SGCZ: variants seen among roughly 807,000 people sequenced by gnomAD.
The protein encoded by SGCZ is sarcoglycan zeta.
SGCZ carries 40 observed loss-of-function variants against 41.3 expected under a neutral mutation model. The observed-to-expected ratio is 0.97, with a 90% CI of 0.75 to 1.26. The LOEUF (loss-of-function observed/expected upper bound fraction) is 1.26. Among genes scored for constraint, SGCZ ranks in the 50% most tolerant of loss-of-function variants. The pLI is 0.00. For synonymous variants in SGCZ, 206 were observed against 137.5 expected, an observed-to-expected ratio of 1.50 and a Z score of -3.49; for missense variants, 552 against 369.8, an observed-to-expected ratio of 1.49 and a Z score of -4.04.
chr8:14,859,794 A>G (rs1035005898), intron 1 of SGCZ, among the ~76,000 whole-genome samples: 12 of 152,176 alleles, frequency 7.9e-5, no homozygotes, highest in Admixed American at 7.9e-4. Context: ...AGGAAATGAT[A>G]TTGGAATCGA....
rs7014526 is a variant in SGCZ at position 14,763,474 on chromosome 8, T to C, written c.40-208548A>G. 7.1e-3 allele frequency among the ~76,000 whole-genome samples: 1,080 copies of C among 152,314 alleles called. 22 individuals are homozygous for C. The highest frequency in any genetic ancestry group is 0.025 in the African/African-American group (1,028 of 41,574). Reference sequence around the variant, plus strand: ...CTGTTGTTATCTTAGCATGTCTCTTTATCCAGGTAGCCAAGCACTGGATGT... The same window carrying C: ...CTGTTGTTATCTTAGCATGTCTCTTCATCCAGGTAGCCAAGCACTGGATGT... On this transcript the variant is annotated intron_variant, in intron 1 of 7. Coordinates refer to ENST00000382080, the MANE Select transcript of SGCZ (RefSeq NM_139167.4).
chr8:14,346,569 G>A (rs910070421), intron 2 of SGCZ, among the ~76,000 whole-genome samples: 2 of 151,830 alleles, frequency 1.3e-5, no homozygotes, highest in Admixed American at 6.6e-5. Context: ...TTAAAAGTAG[G>A]CATATGTCAA....
chr8:14,915,012 T>A (rs1799389948), intron 1 of SGCZ, among the ~76,000 whole-genome samples: 1 of 152,166 alleles, frequency 6.6e-6, no homozygotes, highest in Admixed American at 6.6e-5. Flanking sequence ...CTTTGCTACA[T>A]CTAATTTATG....
intron 1 of SGCZ, among the ~76,000 whole-genome samples, chr8:14,658,680 A>G (rs1167335787): frequency 6.6e-6 from 1 of 152,056 alleles, no homozygotes. Context: ...CTCCTTCTTT[A>G]CTTTTCTTCT....
intron 3 of SGCZ, among the ~76,000 whole-genome samples, chr8:14,240,836 T>C (rs933266647): frequency 5.9e-5 from 9 of 152,194 alleles, no homozygotes; most frequent in African/African-American, 1.9e-4. Flanking sequence ...GTTTAACACA[T>C]GACTTTTTAC....
At chr8:15,099,744 T>C (rs1281439127) in intron 1 of SGCZ, among the ~76,000 whole-genome samples, 4 of 152,180 alleles carry the variant, frequency 2.6e-5, no homozygotes, top group Non-Finnish European at 5.9e-5. Context: ...TATAAAAATG[T>C]TGTACACCAC....
At position 14,314,109 on chromosome 8, in the gene SGCZ, T is replaced by C. The variant is rs573208816; in HGVS notation, c.336+9994A>G. 1.3e-3 allele frequency among the ~76,000 whole-genome samples: 202 copies of C among 152,246 alleles called. 1 individual carries two copies. Among genetic ancestry groups the C allele is most frequent in the Non-Finnish European group, 2.4e-3 (166 of 68,006 alleles). On this transcript the variant is annotated intron_variant, in intron 3 of 7. Transcript: ENST00000382080. ...CAGTGACATACAATGGTGTAATCTGTAGAAAAAAATACGCAGTAAGAAGAA... is the reference window on the plus strand; with the variant it reads ...CAGTGACATACAATGGTGTAATCTGCAGAAAAAAATACGCAGTAAGAAGAA...
chr8:15,021,049 A>T (rs1487823996), intron 1 of SGCZ, among the ~76,000 whole-genome samples: 1 of 152,176 alleles, frequency 6.6e-6, no homozygotes. Context: ...ATCCCAGAAA[A>T]TTCATCTGGG....
At chr8:14,555,261 A>C (rs1164990590) in intron 1 of SGCZ, among the ~76,000 whole-genome samples, 1 of 152,038 alleles carries the variant, frequency 6.6e-6, no homozygotes, top group Non-Finnish European at 1.5e-5. Context: ...CTCATGTCCA[A>C]GTGATACAGT....
rs138582151 is a variant in SGCZ, at chr8:14,380,542, C to T, written c.235-56338G>A. On this transcript the variant is annotated intron_variant, in intron 2 of 7. Transcript: ENST00000382080. ...ACTCTCATCTAAGAAATACAGGCATCAAAGTTCAAATAAAGAATTGTGCAA... is the reference window on the plus strand; with the variant it reads ...ACTCTCATCTAAGAAATACAGGCATTAAAGTTCAAATAAAGAATTGTGCAA... Among the ~76,000 whole-genome samples the T allele has an allele frequency of 1.6e-3, 240 of 152,232 alleles. 2 individuals carry two copies. Among genetic ancestry groups the T allele is most frequent in the African/African-American group, 5.1e-3 (211 of 41,564 alleles).
chr8:15,093,847 T>C lies in SGCZ; in HGVS notation c.39+143738A>G, dbSNP rs56668178. On this transcript the variant is annotated intron_variant, in intron 1 of 7. Transcript: ENST00000382080. ...AACAATCTACAGATGCTCCATCTTT[T>C]TATATATGAGTGTCCACTTAATAAA... is the stretch of plus-strand genomic sequence containing the variant. Among the ~76,000 whole-genome samples, 773 of 152,300 alleles carry C rather than the reference T, an allele frequency of 5.1e-3. 6 individuals carry two copies. The highest frequency in any genetic ancestry group is 0.018 in the African/African-American group (733 of 41,558).
chr8:14,816,566 T>C (rs1326541277), intron 1 of SGCZ, among the ~76,000 whole-genome samples: 1 of 152,204 alleles, frequency 6.6e-6, no homozygotes, highest in African/African-American at 2.4e-5. Context: ...TGGAATGATG[T>C]TGGATGGGAA....
chr8:14,214,486 G>A (rs187648910), intron 4 of SGCZ, among the ~76,000 whole-genome samples: 1 of 152,140 alleles, frequency 6.6e-6, no homozygotes, highest in East Asian at 1.9e-4. Context: ...AATATAAAAT[G>A]TTAATCATAG....
chr8:14,130,439 G>A (rs1803003893), intron 5 of SGCZ, among the ~76,000 whole-genome samples: 1 of 152,126 alleles, frequency 6.6e-6, no homozygotes, highest in Admixed American at 6.6e-5. Flanking sequence ...TCCACGATGT[G>A]AGCAAGATAG....
At chr8:14,454,332 G>A (rs1028154260) in intron 2 of SGCZ, among the ~76,000 whole-genome samples, 1 of 152,118 alleles carries the variant, frequency 6.6e-6, no homozygotes, top group East Asian at 1.9e-4. Context: ...AAGCCAACAC[G>A]GGAAACATGC....
At chr8:14,101,051 T>C (rs1475134727) in intron 7 of SGCZ, among the ~76,000 whole-genome samples, 1 of 152,086 alleles carries the variant, frequency 6.6e-6, no homozygotes, top group East Asian at 1.9e-4. Flanking sequence ...AAATCATGTA[T>C]GAGCATTTAA....
intron 1 of SGCZ, among the ~76,000 whole-genome samples, chr8:14,582,999 T>A (rs1447678775): frequency 5.3e-5 from 8 of 151,680 alleles, no homozygotes; most frequent in African/African-American, 1.5e-4. Flanking sequence ...AGCAGCATGA[T>A]TTATAGTCCT....
intron 4 of SGCZ, among the ~76,000 whole-genome samples, chr8:14,220,538 G>T (rs1806156704): frequency 6.6e-6 from 1 of 152,006 alleles, no homozygotes; most frequent in African/African-American, 2.4e-5. Flanking sequence ...ACGCCTTTGA[G>T]ATTTGTTTAC....
chr8:15,145,791 T>C (rs944214650), intron 1 of SGCZ, among the ~76,000 whole-genome samples: 1 of 152,128 alleles, frequency 6.6e-6, no homozygotes, highest in African/African-American at 2.4e-5. Context: ...TAACACCAAC[T>C]CTTTAGACTG....
Sources: gnomAD v4.1 joint callset for allele counts (sites outside exome capture counted in the v4.1 genomes callset) on GRCh38, gnomAD v4.1.1 for gene constraint, MANE v1.5 for transcripts, NCBI Gene and HGNC (gene_info 2026-07-23, HGNC 2026-07-21) for gene names.